Variants in SYTL5 observed in about 807,000 individuals in gnomAD.
SYTL5 encodes synaptotagmin like 5, also known as synaptotagmin-like protein 5.
In SYTL5, 34 loss-of-function variants were observed where a neutral mutation model predicts 55.9. The observed-to-expected ratio is 0.61, with a 90% CI of 0.46 to 0.81. The LOEUF (loss-of-function observed/expected upper bound fraction) is 0.81, where lower values mean the gene tolerates loss of function less well. SYTL5 is among the 30% of genes least tolerant of loss of function. The pLI is 0.00. For missense variants in SYTL5, 637 were observed against 546.7 expected (o/e 1.17, Z -1.65); for synonymous variants, 221 against 188.7 (o/e 1.17, Z -1.40).
At chrX:37,891,466 G>T in the SYTL5 span, among the ~76,000 whole-genome samples, 1 of 111,776 alleles carries the variant, frequency 8.9e-6, no homozygotes, top group African/African-American at 3.3e-5. Flanking sequence ...CTTGCCTAAG[G>T]CTGGAGGATT....
At chrX:37,956,231 A>C in the SYTL5 span, among the ~76,000 whole-genome samples, 6 of 111,923 alleles carry the variant, frequency 5.4e-5, 1 homozygote, top group Non-Finnish European at 3.8e-5. Context: ...TTACTGAAAA[A>C]TCTGTACTTA....
the SYTL5 span, among the ~76,000 whole-genome samples, chrX:37,892,540 A>G: frequency 1.0e-5 from 1 of 98,255 alleles, no homozygotes; most frequent in Non-Finnish European, 2.0e-5. Context: ...GTATATGTAT[A>G]TATGTATGTT....
Position 38,110,387 on chromosome X carries a change from T to C in SYTL5, c.1501T>C (p.Phe501Leu). ...LQLSVWHYDR[F>L]GRNSFLGEVE... ...GCTCTCAGTCTGGCACTATGATCGA[T>C]TTGGACGTAATAGCTTCCTCGGGGA... The change falls in exon 13 of 17, where the codon TTT (phenylalanine) becomes CTT (leucine). Residue 501 changes from phenylalanine (F) to leucine (L), a missense_variant. Transcript: ENST00000297875. 4 of 1,209,182 alleles carry C rather than the reference T, an allele frequency of 3.3e-6. No homozygotes were observed. In the African/African-American group the frequency reaches 6.9e-5, roughly 21 times the overall value.
chrX:37,924,326 T>C, the SYTL5 span, among the ~76,000 whole-genome samples: 1 of 110,941 alleles, frequency 9.0e-6, no homozygotes, highest in African/African-American at 3.3e-5. Context: ...TCACTGAACT[T>C]TAGTGTCCCC....
intron 13 of SYTL5, among the ~76,000 whole-genome samples, chrX:38,119,861 C>T (rs1937550564): frequency 8.9e-6 from 1 of 112,411 alleles, no homozygotes; most frequent in Non-Finnish European, 1.9e-5. Flanking sequence ...ACCAACATTG[C>T]TTTTAACAGT....
At chrX:37,968,121 T>C in the SYTL5 span, among the ~76,000 whole-genome samples, 2 of 110,584 alleles carry the variant, frequency 1.8e-5, no homozygotes, top group African/African-American at 6.6e-5. Flanking sequence ...AAATCAAATA[T>C]CTCCATACCA....
the SYTL5 span, among the ~76,000 whole-genome samples, chrX:37,968,943 A>G: frequency 8.9e-6 from 1 of 112,174 alleles, no homozygotes; most frequent in Admixed American, 9.4e-5. Flanking sequence ...ACAAAATGGA[A>G]CAATTTCTTT....
chrX:38,108,606 C>T lies in SYTL5; in HGVS notation c.1341C>T (p.Val447=), dbSNP rs1321059010. Residue 447 remains valine, a synonymous_variant, in exon 12 of 17, where the codon GTC becomes GTT. Transcript: ENST00000297875. ...TATATTTTCTTATCTATAGTTATGT[C>T]AAGTCATATCTTCTTCCTGACAAGT... ...DEKKQRTDAY[V]KSYLLPDKSR... is the part of the protein sequence containing the mutation. 8.5e-7 allele frequency: 1 copy of T among 1,174,195 alleles called. No individual in the cohort carries two copies. The highest frequency in any genetic ancestry group is 2.2e-5 in the Admixed American group (1 of 44,841).
At chrX:38,017,791 CTACATG>C (rs1223591466) in intron 1 of SYTL5, among the ~76,000 whole-genome samples, 4 of 108,956 alleles carry the variant, frequency 3.7e-5, no homozygotes, top group African/African-American at 1.3e-4. Flanking sequence ...AGCTATATGT[CTACATG>C]TAAGTGTGCA....
chrX:37,941,001 T>C, the SYTL5 span, among the ~76,000 whole-genome samples: 1 of 111,806 alleles, frequency 8.9e-6, no homozygotes, highest in Non-Finnish European at 1.9e-5. Flanking sequence ...TACTGGCAAT[T>C]TATGTAGTTA....
rs977729332 is a variant in SYTL5 at position 38,076,778 on chromosome X, G to A, written c.689+77G>A. 8 of 1,039,679 alleles carry A rather than the reference G, an allele frequency of 7.7e-6. No homozygotes were observed. The South Asian group carries it at 1.3e-4, about 17-fold the overall frequency. 85.7% of individuals were successfully genotyped at this position (1,039,679 alleles called of 1,213,427 possible). A position where few individuals can be genotyped will look rare whatever the true frequency, so the allele number is the denominator to read the frequency against. On this transcript the variant is annotated intron_variant, in intron 6 of 16. Transcript: ENST00000297875. Reference sequence around the variant, plus strand: ...TATTCCCATTCATAGGGGGATTTTAGGTATCTGTGAAATATTACCACTTGG... The same window carrying A: ...TATTCCCATTCATAGGGGGATTTTAAGTATCTGTGAAATATTACCACTTGG...
At chrX:37,974,400 A>C in the SYTL5 span, among the ~76,000 whole-genome samples, 1 of 112,030 alleles carries the variant, frequency 8.9e-6, no homozygotes, top group Admixed American at 9.5e-5. Context: ...GAGAGAAACA[A>C]AACTAATGGT....
chrX:37,984,143 G>A, the SYTL5 span, among the ~76,000 whole-genome samples: 7 of 110,295 alleles, frequency 6.3e-5, no homozygotes, highest in Admixed American at 1.9e-4. Flanking sequence ...AATACAGACC[G>A]GAGCAGAAAT....
At chrX:37,893,567 A>G in the SYTL5 span, among the ~76,000 whole-genome samples, 1 of 90,124 alleles carries the variant, frequency 1.1e-5, no homozygotes, top group Non-Finnish European at 2.1e-5. Flanking sequence ...TAGATTATAT[A>G]TACAATCTAT....
chrX:38,074,118 A>T (rs1936332076), intron 5 of SYTL5, among the ~76,000 whole-genome samples: 1 of 111,845 alleles, frequency 8.9e-6, no homozygotes, highest in African/African-American at 3.2e-5. Flanking sequence ...AAAGCACCAT[A>T]TTCCCTATTT....
intron 9 of SYTL5, among the ~76,000 whole-genome samples, chrX:38,100,836 T>A (rs1289776739): frequency 9.0e-6 from 1 of 111,281 alleles, no homozygotes; most frequent in Non-Finnish European, 1.9e-5. Flanking sequence ...ACATATATAC[T>A]GTGTTGTGTG....
At chrX:37,951,390 GT>G in the SYTL5 span, among the ~76,000 whole-genome samples, 4 of 111,136 alleles carry the variant, frequency 3.6e-5, no homozygotes, top group African/African-American at 1.3e-4. Context: ...TGTTTTATGA[GT>G]TTTTTTAAAA....
the SYTL5 span, among the ~76,000 whole-genome samples, chrX:37,973,412 G>C: frequency 9.0e-6 from 1 of 111,431 alleles, no homozygotes; most frequent in Non-Finnish European, 1.9e-5. Context: ...TTAAGCAAAA[G>C]TGGTCAGAAT....
intron 13 of SYTL5, among the ~76,000 whole-genome samples, chrX:38,118,503 T>C (rs1351857572): frequency 9.0e-6 from 1 of 111,639 alleles, no homozygotes; most frequent in East Asian, 2.8e-4. Context: ...CCTGACAAAG[T>C]ATACTGCCTT....
Sources: allele counts gnomAD v4.1 joint callset (sites outside exome capture counted in the v4.1 genomes callset), GRCh38; gene constraint gnomAD v4.1.1; transcripts MANE v1.5; gene names NCBI Gene and HGNC (gene_info 2026-07-23, HGNC 2026-07-21).